PARD3: variants seen among roughly 807,000 people sequenced by gnomAD.
PARD3 encodes the protein par-3 family cell polarity regulator, also known as partitioning defective 3 homolog.
Under a neutral mutation model 155.4 loss-of-function variants are expected in PARD3, and 75 were observed. That is an observed-to-expected ratio of 0.48 (90% confidence interval 0.40 to 0.58). The LOEUF (loss-of-function observed/expected upper bound fraction) is 0.58. Among genes scored for constraint, PARD3 ranks in the 20% least tolerant of loss-of-function variants. The probability of loss-of-function intolerance (pLI) is 0.00; values close to 1 mark genes in which losing one functional copy is unlikely to be tolerated. For missense variants in PARD3, 1,642 were observed against 1,721.7 expected (o/e 0.95, Z 0.82); for synonymous variants, 576 against 610.5 (o/e 0.94, Z 0.83).
chr10:34,148,870 T>G (rs375024185), intron 22 of PARD3, among the ~76,000 whole-genome samples: 2 of 151,940 alleles, frequency 1.3e-5, no homozygotes, highest in African/African-American at 4.8e-5. Context: ...TCAAGTTTTT[T>G]TTTGTTTGTT....
chr10:34,197,345 C>T (rs938694297), intron 22 of PARD3, among the ~76,000 whole-genome samples: 1 of 152,104 alleles, frequency 6.6e-6, no homozygotes, highest in African/African-American at 2.4e-5. Flanking sequence ...ATGAAACCTT[C>T]CCCCGACTGG....
At chr10:34,535,828 AT>A (rs1388128130) in intron 2 of PARD3, among the ~76,000 whole-genome samples, 2,202 of 151,930 alleles carry the variant, frequency 0.014, 54 homozygotes, top group African/African-American at 0.048. Context: ...AAAAAAAAAA[AT>A]AGTTAGGCTT....
chr10:34,801,562 C>T (rs1017866387), intron 1 of PARD3, among the ~76,000 whole-genome samples: 10 of 152,116 alleles, frequency 6.6e-5, no homozygotes, highest in Non-Finnish European at 2.9e-5. Flanking sequence ...GCCTTCAAGA[C>T]GCCACTCCCT....
intron 2 of PARD3, among the ~76,000 whole-genome samples, chr10:34,636,770 G>A (rs1479964850): frequency 6.6e-6 from 1 of 152,214 alleles, no homozygotes; most frequent in Non-Finnish European, 1.5e-5. Flanking sequence ...GAGGCCCACA[G>A]GAAAGACCCG....
Position 34,384,234 on chromosome 10 carries a change from T to A in PARD3, c.911A>T (p.Lys304Ile). ...RGGRTLGLLV[K>I]RLEKGGKAEH... is the part of the protein sequence containing the mutation. ...AGCTTTACCACCTTTCTCCAATCGTTTTACTAATAACCCCAGGGTTCTGGA... is the reference window on the plus strand; with the variant it reads ...AGCTTTACCACCTTTCTCCAATCGTATTACTAATAACCCCAGGGTTCTGGA... The change falls in exon 8 of 25, where the codon AAA (lysine) becomes ATA (isoleucine). Residue 304 changes from lysine to isoleucine, a missense_variant. By Grantham distance (102) the Lys-to-Ile change is moderately radical. Around this residue, in one of 3 missense-constraint regions of PARD3, gnomAD observed 1,529 missense variants for 1,587.3 expected, o/e 0.96. Transcript: ENST00000374788. 6.2e-7 allele frequency: 1 copy of A among 1,613,752 alleles called. No individual in the cohort carries two copies. The highest frequency in any genetic ancestry group is 2.2e-5 in the East Asian group (1 of 44,848).
At chr10:34,311,954 T>C (rs1389978958) in intron 20 of PARD3, among the ~76,000 whole-genome samples, 2 of 152,164 alleles carry the variant, frequency 1.3e-5, no homozygotes, top group African/African-American at 2.4e-5. Flanking sequence ...AAGTCACTGG[T>C]GGTTACACAA....
intron 2 of PARD3, among the ~76,000 whole-genome samples, chr10:34,540,851 T>A: frequency 6.6e-6 from 1 of 152,200 alleles, no homozygotes; most frequent in East Asian, 1.9e-4. Flanking sequence ...GTCTGGAATC[T>A]ATTACTTGCA....
intron 2 of PARD3, among the ~76,000 whole-genome samples, chr10:34,548,206 C>T (rs1004283804): frequency 1.3e-5 from 2 of 152,096 alleles, no homozygotes; most frequent in Non-Finnish European, 2.9e-5. Flanking sequence ...ATAGTATGGG[C>T]AGGCGGGCGT....
intron 22 of PARD3, among the ~76,000 whole-genome samples, chr10:34,259,145 C>G (rs1332593012): frequency 6.6e-6 from 1 of 151,994 alleles, no homozygotes; most frequent in Non-Finnish European, 1.5e-5. Context: ...AGGAATGCCA[C>G]AGAGTAATCT....
At chr10:34,191,755 T>C (rs1489538748) in intron 22 of PARD3, among the ~76,000 whole-genome samples, 1 of 152,038 alleles carries the variant, frequency 6.6e-6, no homozygotes, top group Non-Finnish European at 1.5e-5. Flanking sequence ...ACAGAGCAGA[T>C]CCAACTCCCC....
At chr10:34,427,016 T>G (rs546254960) in intron 5 of PARD3, among the ~76,000 whole-genome samples, 2 of 152,344 alleles carry the variant, frequency 1.3e-5, no homozygotes, top group African/African-American at 2.4e-5. Context: ...TGCCTGACTT[T>G]ACTTTAATCT....
chr10:34,288,840 CA>C, intron 20 of PARD3, among the ~76,000 whole-genome samples: 1 of 152,320 alleles, frequency 6.6e-6, no homozygotes, highest in Admixed American at 6.5e-5. Flanking sequence ...CTGACTCACA[CA>C]AACGTTCAAA....
At chr10:34,263,354 T>C (rs1238809727) in intron 22 of PARD3, among the ~76,000 whole-genome samples, 1 of 152,094 alleles carries the variant, frequency 6.6e-6, no homozygotes, top group East Asian at 1.9e-4. Context: ...TTTACACAGC[T>C]GATGGCAGAA....
At chr10:34,248,828 A>C (rs1365585439) in intron 22 of PARD3, among the ~76,000 whole-genome samples, 1 of 152,216 alleles carries the variant, frequency 6.6e-6, no homozygotes, top group African/African-American at 2.4e-5. Flanking sequence ...CACACAAAGC[A>C]AGCCATGTTA....
intron 3 of PARD3, among the ~76,000 whole-genome samples, chr10:34,480,697 C>T (rs1564760901): frequency 6.6e-6 from 1 of 151,884 alleles, no homozygotes; most frequent in African/African-American, 2.4e-5. Context: ...AACAAAAATA[C>T]TTCCCAATTC....
chr10:34,454,047 CAGTT>C (rs932143948), intron 4 of PARD3, among the ~76,000 whole-genome samples: 2 of 152,144 alleles, frequency 1.3e-5, no homozygotes, highest in Non-Finnish European at 1.5e-5. Context: ...ATGAAAAGTG[CAGTT>C]ATTTACAGCA....
intron 20 of PARD3, among the ~76,000 whole-genome samples, chr10:34,310,229 C>T (rs1247499797): frequency 6.6e-6 from 1 of 152,130 alleles, no homozygotes; most frequent in Non-Finnish European, 1.5e-5. Context: ...AGGAATATTT[C>T]CAACATATGT....
In PARD3 at chr10:34,413,144, TACAC is replaced by T. The variant is rs146779470; in HGVS notation, c.715-11231_715-11228del. 3.4e-3 allele frequency among the ~76,000 whole-genome samples: 496 copies of T among 145,992 alleles called. 4 individuals carry two copies. The highest frequency in any genetic ancestry group is 0.019 in the Admixed American group (285 of 14,640). ...CATTAGGCAGTACTTCAGATATATA[TACAC>T]ACACACACACACACACACACACACA... On this transcript the variant is annotated intron_variant, in intron 5 of 24. Coordinates refer to ENST00000374788, the MANE Select transcript of PARD3 (RefSeq NM_001184785.2).
intron 1 of PARD3, among the ~76,000 whole-genome samples, chr10:34,813,404 AAAC>A (rs1844462011): frequency 6.6e-6 from 1 of 152,186 alleles, no homozygotes; most frequent in Non-Finnish European, 1.5e-5. Flanking sequence ...TGTCACACAT[AAAC>A]AACACTTAAA....
Sources: gnomAD v4.1 joint callset for allele counts (sites outside exome capture counted in the v4.1 genomes callset) on GRCh38, gnomAD v4.1.1 for gene constraint, gnomAD v4.1.1 regional missense constraint, MANE v1.5 for transcripts, NCBI Gene and HGNC (gene_info 2026-07-23, HGNC 2026-07-21) for gene names.